LARP4: variants seen among roughly 807,000 people sequenced by gnomAD.
The protein encoded by LARP4 is la-related protein 4.
Under a neutral mutation model 92.9 loss-of-function variants are expected in LARP4, and 29 were observed. The ratio of observed to expected loss-of-function variants is 0.31; its 90% confidence interval spans 0.23 to 0.43. The LOEUF (loss-of-function observed/expected upper bound fraction) is 0.43. LARP4 is among the 20% of genes least tolerant of loss of function. The pLI, the probability that LARP4 is intolerant of heterozygous loss-of-function variation, is 1.00. For synonymous variants in LARP4, 279 were observed against 284.1 expected, an observed-to-expected ratio of 0.98 and a Z score of 0.18; for missense variants, 732 against 860.0, an observed-to-expected ratio of 0.85 and a Z score of 1.86.
At chr12:50,472,778 G>A (rs113808231) in intron 13 of LARP4, among the ~76,000 whole-genome samples, 18 of 151,822 alleles carry the variant, frequency 1.2e-4, no homozygotes, top group African/African-American at 4.3e-4. Flanking sequence ...CTCCCAAAGT[G>A]CTGGAATTAC....
rs768753799 is a variant in LARP4, at chr12:50,437,764, G to A, written c.565G>A (p.Gly189Ser). Residue 189 changes from glycine to serine, a missense_variant, in exon 6 of 16, where the codon GGT becomes AGT. Gly to Ser is a moderately conservative substitution (Grantham distance 56). Transcript: ENST00000398473. The part of the protein sequence containing the change: ...SSPMVQVDEK[G>S]EKVRPSHKRC... ...TCCCATGGTACAAGTTGATGAGAAG[G>A]GTGAGAAAGTGAGACCAAGTCATAA... is the stretch of plus-strand genomic sequence containing the variant. 1.2e-6 allele frequency: 2 copies of A among 1,611,318 alleles called. No individual in the cohort carries two copies. Among genetic ancestry groups the A allele is most frequent in the East Asian group, 2.2e-5 (1 of 44,804 alleles).
chr12:50,441,723 A>AT, intron 8 of LARP4, 80 bp downstream of exon 8: 1 of 1,146,780 alleles, frequency 8.7e-7, no homozygotes, highest in South Asian at 1.4e-5. Flanking sequence ...GACAGATAAT[A>AT]TTTTATAAAA....
intron 8 of LARP4, among the ~76,000 whole-genome samples, chr12:50,449,311 G>C (rs779563510): frequency 6.6e-6 from 1 of 152,052 alleles, no homozygotes; most frequent in Admixed American, 6.6e-5. Flanking sequence ...TTTTCTTTTG[G>C]AAGTTTATGG....
chr12:50,440,420 ATTTTCT>A lies in LARP4; in HGVS notation c.640-8_640-3del, dbSNP rs775783934. Reference sequence around the variant, plus strand: ...TTGATGTATTTTTTAGAGTTAACTAATTTTCTTTTTCTTTTTAGGAAGTGAAAGGTT... The same window carrying A: ...TTGATGTATTTTTTAGAGTTAACTAATTTTCTTTTTAGGAAGTGAAAGGTT... On this transcript the variant is annotated splice_polypyrimidine_tract_variant and intron_variant, in intron 6 of 15. Coordinates refer to ENST00000398473, the MANE Select transcript of LARP4 (RefSeq NM_052879.5). 2.5e-5 allele frequency: 39 copies of A among 1,570,016 alleles called. No homozygotes were observed. Among genetic ancestry groups the A allele is most frequent in the African/African-American group, 8.1e-5 (6 of 73,918 alleles).
At chr12:50,455,986 A>G (rs978803072) in intron 10 of LARP4, among the ~76,000 whole-genome samples, 12 of 152,140 alleles carry the variant, frequency 7.9e-5, no homozygotes, top group African/African-American at 2.9e-4. Context: ...TGAGAAGCAC[A>G]GGTTGCAGTG....
At position 50,427,804 on chromosome 12, in the gene LARP4, G is replaced by A. The variant is rs1253930124; in HGVS notation, c.61G>A (p.Val21Ile). Residue 21 changes from valine to isoleucine, a missense_variant, in exon 2 of 16, where the codon GTA becomes ATA. By Grantham distance (29) the Val-to-Ile change is conservative. Transcript: ENST00000398473. ...KGTGLNPNAK[V>I]WQEIAPGNTD... ...AACTGGTTTAAATCCTAATGCCAAA[G>A]TATGGCAAGAAATTGCTCCTGGAAA... The A allele has an allele frequency of 6.3e-7, 1 of 1,598,054 alleles. No homozygotes were observed.
At chr12:50,429,533 G>T (rs188365523) in intron 3 of LARP4, among the ~76,000 whole-genome samples, 1 of 152,058 alleles carries the variant, frequency 6.6e-6, no homozygotes, top group Non-Finnish European at 1.5e-5. Flanking sequence ...GTGACAGAGT[G>T]AAACTGTGTC....
rs763815019 is a variant in LARP4, at chr12:50,417,374, C to CA, written c.19-10376dup. On this transcript the variant is annotated intron_variant, in intron 1 of 15. Coordinates refer to ENST00000398473, the MANE Select transcript of LARP4 (RefSeq NM_052879.5). ...TGGGTGACAGAGCAAAACTCTGTCTCAAAAAAAAAAAAGAAAAAAAAGAAA... is the reference window on the plus strand; with the variant it reads ...TGGGTGACAGAGCAAAACTCTGTCTCAAAAAAAAAAAAAGAAAAAAAAGAAA... 4.2e-3 allele frequency among the ~76,000 whole-genome samples: 509 copies of CA among 121,044 alleles called. 3 individuals carry two copies. The highest frequency in any genetic ancestry group is 9.0e-3 in the African/African-American group (297 of 32,952). 79.4% of individuals were successfully genotyped at this position (121,044 alleles called of 152,430 possible). A position where few individuals can be genotyped will look rare whatever the true frequency, so the allele number is the denominator to read the frequency against.
At chr12:50,451,606 G>A (rs1593246931) in intron 8 of LARP4, among the ~76,000 whole-genome samples, 1 of 152,208 alleles carries the variant, frequency 6.6e-6, no homozygotes, top group South Asian at 2.1e-4. Context: ...AGGCTGAGGC[G>A]GGTGGATTGC....
At chr12:50,434,077 A>G (rs534275453) in intron 4 of LARP4, among the ~76,000 whole-genome samples, 62 of 152,350 alleles carry the variant, frequency 4.1e-4, no homozygotes, top group African/African-American at 1.4e-3. Flanking sequence ...CACAAAACAA[A>G]CATAATAAAT....
In LARP4 at chr12:50,420,933, C is replaced by T. The variant is rs1040062228; in HGVS notation, c.19-6829C>T. On this transcript the variant is annotated intron_variant, in intron 1 of 15. Transcript: ENST00000398473. ...TATGTATTTAATATATTTGAAGGTA[C>T]AGAATAACCTTTGCTTTTTTTTTTT... The T allele has an allele frequency of 5.8e-5, 8 of 136,866 alleles. No individual in the cohort carries two copies. In the South Asian group the frequency reaches 1.9e-3, roughly 32 times the overall value. The allele number at this position is 136,866 out of a possible 1,614,324, so 8.5% of individuals were successfully genotyped here.
At chr12:50,454,451 A>G in intron 10 of LARP4, 34 bp downstream of exon 10, 1 of 1,460,716 alleles carries the variant, frequency 6.8e-7, no homozygotes, top group Non-Finnish European at 9.5e-7. Context: ...ATGTATTTTA[A>G]ACAATTCCTA....
intron 8 of LARP4, among the ~76,000 whole-genome samples, chr12:50,447,549 T>C (rs1952413993): frequency 6.6e-6 from 1 of 152,176 alleles, no homozygotes; most frequent in African/African-American, 2.4e-5. Context: ...TTACCCATTA[T>C]CCAATTTTTT....
intron 3 of LARP4, among the ~76,000 whole-genome samples, chr12:50,430,095 G>A (rs4768975): frequency 0.24 from 36,852 of 152,070 alleles, 5,232 homozygotes; most frequent in East Asian, 0.39. Flanking sequence ...TACAGTTTGG[G>A]CCAGGCACAG....
Position 50,473,400 on chromosome 12 carries a change from TC to T in LARP4, c.1546-14del. ...AAGGTCTAAGTGTAATTTTGAAAAA[TC>T]TTTTTACTTTAAGGATAATGAAGAG... On this transcript the variant is annotated splice_polypyrimidine_tract_variant and intron_variant, in intron 13 of 15. Transcript: ENST00000398473. 6.2e-7 allele frequency: 1 copy of T among 1,607,818 alleles called. No individual in the cohort carries two copies. Among genetic ancestry groups the T allele is most frequent in the Non-Finnish European group, 8.5e-7 (1 of 1,175,108 alleles).
intron 8 of LARP4, among the ~76,000 whole-genome samples, chr12:50,443,819 G>C (rs1322311589): frequency 6.6e-6 from 1 of 151,580 alleles, no homozygotes; most frequent in Admixed American, 6.6e-5. Flanking sequence ...TGCCATGTTT[G>C]CCAAGCTGCT....
intron 13 of LARP4, among the ~76,000 whole-genome samples, chr12:50,469,847 T>TG (rs966513080): frequency 6.6e-6 from 1 of 151,754 alleles, no homozygotes; most frequent in Non-Finnish European, 1.5e-5. Context: ...AGGTGGAAGT[T>TG]GCAGTGAGCC....
intron 1 of LARP4, among the ~76,000 whole-genome samples, chr12:50,423,313 A>ACATAATAGTTTACATT (rs1330487970): frequency 1.3e-5 from 2 of 152,146 alleles, no homozygotes; most frequent in Non-Finnish European, 2.9e-5. Context: ...ATTTTCTATG[A>ACATAATAGTTTACATT]CATAATAGTT....
At chr12:50,453,382 T>C in intron 8 of LARP4, 78 bp from the exon 9 acceptor site, 1 of 826,846 alleles carries the variant, frequency 1.2e-6, no homozygotes, top group Non-Finnish European at 1.9e-6. Flanking sequence ...ATGTAAAATA[T>C]ATGTTAAAAT....
Sources: allele counts gnomAD v4.1 joint callset (sites outside exome capture counted in the v4.1 genomes callset), GRCh38; gene constraint gnomAD v4.1.1; transcripts MANE v1.5; gene names NCBI Gene and HGNC (gene_info 2026-07-23, HGNC 2026-07-21).